The following STXBP4 variants were observed in gnomAD, a reference collection of about 807,000 sequenced individuals.
STXBP4 encodes syntaxin binding protein 4, also known as syntaxin-binding protein 4.
Under a neutral mutation model 76.1 loss-of-function variants are expected in STXBP4, and 55 were observed. The ratio of observed to expected loss-of-function variants is 0.72; its 90% CI spans 0.58 to 0.91. STXBP4 has a LOEUF of 0.91. Among genes scored for constraint, STXBP4 ranks in the 40% least tolerant of loss-of-function variants. The pLI, the probability that STXBP4 is intolerant of heterozygous loss-of-function variation, is 0.00. For synonymous variants in STXBP4, 201 were observed against 220.2 expected, an observed-to-expected ratio of 0.91 and a Z score of 0.77; for missense variants, 618 against 636.9, an observed-to-expected ratio of 0.97 and a Z score of 0.32.
chr17:55,016,122 T>C (rs1172682777), intron 8 of STXBP4, among the ~76,000 whole-genome samples: 12 of 152,198 alleles, frequency 7.9e-5, no homozygotes, highest in Admixed American at 7.9e-4. Flanking sequence ...CCAGCACCCC[T>C]ACTCATTTTC....
At chr17:55,115,463 G>T (rs2079770057) in intron 16 of STXBP4, among the ~76,000 whole-genome samples, 1 of 151,730 alleles carries the variant, frequency 6.6e-6, no homozygotes, top group Non-Finnish European at 1.5e-5. Flanking sequence ...TAAGAGTATG[G>T]TTGCATTTGT....
chr17:55,158,406 C>T (rs1202440139), intron 17 of STXBP4, among the ~76,000 whole-genome samples: 1 of 152,020 alleles, frequency 6.6e-6, no homozygotes, highest in African/African-American at 2.4e-5. Flanking sequence ...TTGGGGAGGA[C>T]GAAGGCTAGG....
At position 55,022,469 on chromosome 17, in the gene STXBP4, A is replaced by G. The variant is rs1650912814; in HGVS notation, c.667-8699A>G. Among the ~76,000 whole-genome samples the G allele has an allele frequency of 1.3e-5, 2 of 152,158 alleles. 1 individual carries two copies. The highest frequency in any genetic ancestry group is 4.1e-4 in the South Asian group (2 of 4,832). The stretch of plus-strand genomic sequence containing the variant: ...ATTTATTGTTTACTTCCTCTGGTTG[A>G]GGCATTTTAGTGTTTTGGCACTGTA... On this transcript the variant is annotated intron_variant, in intron 8 of 17. Transcript: ENST00000376352.
At chr17:55,149,374 A>G (rs1407991512) in intron 17 of STXBP4, among the ~76,000 whole-genome samples, 1 of 152,182 alleles carries the variant, frequency 6.6e-6, no homozygotes, top group Non-Finnish European at 1.5e-5. Context: ...CTAGCTTCTA[A>G]TGTTTATGCA....
chr17:55,153,455 A>G (rs954645286), intron 17 of STXBP4, among the ~76,000 whole-genome samples: 2 of 152,234 alleles, frequency 1.3e-5, no homozygotes, highest in Non-Finnish European at 2.9e-5. Flanking sequence ...TGTGATTTTT[A>G]CAAATCATTC....
At chr17:55,040,359 T>TA (rs2078676961) in intron 10 of STXBP4, among the ~76,000 whole-genome samples, 1 of 152,034 alleles carries the variant, frequency 6.6e-6, no homozygotes, top group Admixed American at 6.6e-5. Context: ...GAAAAGAAGA[T>TA]ACCCAGAAAT....
chr17:55,133,008 G>T (rs984527051), intron 16 of STXBP4, among the ~76,000 whole-genome samples: 3 of 152,032 alleles, frequency 2.0e-5, no homozygotes, highest in Admixed American at 6.6e-5. Flanking sequence ...TGAAGTCAGA[G>T]AAGTTGGAGA....
At chr17:55,034,765 C>T (rs527656256) in intron 10 of STXBP4, among the ~76,000 whole-genome samples, 10 of 152,104 alleles carry the variant, frequency 6.6e-5, no homozygotes, top group African/African-American at 2.2e-4. Flanking sequence ...ACCCCTGTAC[C>T]CCCACAAAAA....
chr17:55,004,698 C>T (rs111611520), intron 7 of STXBP4, among the ~76,000 whole-genome samples: 5,669 of 149,904 alleles, frequency 0.038, 378 homozygotes, highest in African/African-American at 0.13. Flanking sequence ...AAGACCAAGA[C>T]GCCTCTAAAG....
intron 16 of STXBP4, among the ~76,000 whole-genome samples, chr17:55,120,461 A>G (rs1371540920): frequency 2.0e-5 from 3 of 152,228 alleles, no homozygotes; most frequent in Non-Finnish European, 4.4e-5. Flanking sequence ...GCTTTGAGAC[A>G]TGATTATTAT....
At position 55,000,756 on chromosome 17, in the gene STXBP4, A is replaced by C. The variant is rs537960172; in HGVS notation, c.499-52A>C. On this transcript the variant is annotated intron_variant, in intron 6 of 17. Transcript: ENST00000376352. ...TTCTTTTTATGTTAACATGGGCTTC[A>C]AGTGACCTACTTTAGTAAATGACAT... The C allele has an allele frequency of 2.5e-6, 3 of 1,177,444 alleles. No individual in the cohort carries two copies. In the Admixed American group the frequency reaches 5.1e-5, roughly 20 times the overall value. 72.9% of individuals were successfully genotyped at this position (1,177,444 alleles called of 1,614,324 possible).
At chr17:55,193,495 A>G in the STXBP4 span, among the ~76,000 whole-genome samples, 1 of 152,104 alleles carries the variant, frequency 6.6e-6, no homozygotes, top group Non-Finnish European at 1.5e-5. Context: ...AAAACAAAGG[A>G]GAAGCTTGGA....
At position 55,042,891 on chromosome 17, in the gene STXBP4, T is replaced by C. The variant is rs558596726; in HGVS notation, c.856-345T>C. Among the ~76,000 whole-genome samples, 143 of 152,282 alleles carry C rather than the reference T, an allele frequency of 9.4e-4. 1 individual carries two copies. Among genetic ancestry groups the C allele is most frequent in the African/African-American group, 3.4e-3 (141 of 41,568 alleles). ...TTAGATACCATGCTATTAGAATGAA[T>C]GTCTTTAGGGAATAGTTTATGTTGG... On this transcript the variant is annotated intron_variant, in intron 10 of 17. Coordinates refer to ENST00000376352, the MANE Select transcript of STXBP4 (RefSeq NM_178509.6).
intron 16 of STXBP4, among the ~76,000 whole-genome samples, chr17:55,092,339 C>G (rs1171093512): frequency 6.6e-6 from 1 of 150,804 alleles, no homozygotes; most frequent in East Asian, 2.0e-4. Flanking sequence ...AAATGAAATA[C>G]ATAACATTTT....
At chr17:55,013,278 T>A (rs561198438) in intron 8 of STXBP4, among the ~76,000 whole-genome samples, 3 of 152,344 alleles carry the variant, frequency 2.0e-5, no homozygotes, top group African/African-American at 7.2e-5. Context: ...AGAAAAGTCT[T>A]GCCCCGTTGG....
intron 10 of STXBP4, among the ~76,000 whole-genome samples, chr17:55,037,492 A>T (rs1598246518): frequency 1.1e-5 from 1 of 94,520 alleles, no homozygotes; most frequent in Admixed American, 9.4e-5. Flanking sequence ...TGTTGGGATT[A>T]AAAAAAAAAT....
At chr17:55,211,578 G>C in the STXBP4 span, among the ~76,000 whole-genome samples, 1 of 151,920 alleles carries the variant, frequency 6.6e-6, no homozygotes, top group Non-Finnish European at 1.5e-5. Context: ...GTTTTTTGCA[G>C]CTTACCTAAA....
intron 11 of STXBP4, among the ~76,000 whole-genome samples, 193 bp from the exon 12 acceptor site, chr17:55,046,896 A>G (rs765629713): frequency 1.3e-5 from 2 of 151,950 alleles, no homozygotes; most frequent in Non-Finnish European, 2.9e-5. Flanking sequence ...AAGTATATTT[A>G]CATCACAATT....
At chr17:55,193,551 A>C in the STXBP4 span, among the ~76,000 whole-genome samples, 1 of 152,142 alleles carries the variant, frequency 6.6e-6, no homozygotes, top group African/African-American at 2.4e-5. Context: ...TGAGCTAGGC[A>C]GTAAAATACA....
Sources: allele counts gnomAD v4.1 joint callset (sites outside exome capture counted in the v4.1 genomes callset), GRCh38; gene constraint gnomAD v4.1.1; transcripts MANE v1.5; gene names NCBI Gene and HGNC (gene_info 2026-07-23, HGNC 2026-07-21).